KIFC3: variants seen among roughly 807,000 people sequenced by gnomAD.
KIFC3 encodes the protein kinesin family member C3.
Under a neutral mutation model 101.8 loss-of-function variants are expected in KIFC3, and 60 were observed. The ratio of observed to expected loss-of-function variants is 0.59; its 90% confidence interval spans 0.48 to 0.73. KIFC3 has a LOEUF of 0.73. Ranked by LOEUF, KIFC3 falls within the 30% of genes least tolerant of loss-of-function variation. The pLI is 0.00. For synonymous variants in KIFC3, 476 were observed against 482.7 expected, an observed-to-expected ratio of 0.99 and a Z score of 0.18; for missense variants, 966 against 1,137.1, an observed-to-expected ratio of 0.85 and a Z score of 2.16.
rs77387607 is a variant in KIFC3 at position 57,776,272 on chromosome 16, C to T, written c.316-3984G>A. On this transcript the variant is annotated intron_variant, in intron 3 of 19. Coordinates refer to ENST00000445690, the MANE Select transcript of KIFC3 (RefSeq NM_001130100.2). ...AAACTCAGCCCAGAGGCCAGCGGGGCGGCCCTGGGAGCACACCCTGTGGAG... is the reference window on the plus strand; with the variant it reads ...AAACTCAGCCCAGAGGCCAGCGGGGTGGCCCTGGGAGCACACCCTGTGGAG... 4,493 of 985,442 alleles carry T rather than the reference C, an allele frequency of 4.6e-3. 180 individuals are homozygous for T. The African/African-American group carries it at 0.073, about 16-fold the overall frequency. 61.0% of individuals were successfully genotyped at this position (985,442 alleles called of 1,614,324 possible).
rs782174508 is a variant in KIFC3 at position 57,772,224 on chromosome 16, A to G, written c.380T>C (p.Leu127Pro). 1.1e-5 allele frequency: 17 copies of G among 1,613,270 alleles called. No homozygotes were observed. Among genetic ancestry groups the G allele is most frequent in the Non-Finnish European group, 1.4e-5 (17 of 1,179,772 alleles). The change falls in exon 4 of 20, where the codon CTG (leucine) becomes CCG (proline). Residue 127 changes from leucine (L) to proline (P), a missense_variant and splice_region_variant. By Grantham distance (98) the Leu-to-Pro change is moderately conservative. Transcript: ENST00000445690. The part of the protein sequence containing the change: ...AQEVSRLRSE[L>P]GGTDLEKHRD... ...CCCAGGACAGCCTTGTGGCCTCACC[A>G]GCTCAGATCGCAGTCGGCTCACTTC...
At chr16:57,828,200 G>T (rs1423658570) in intron 1 of KIFC3, among the ~76,000 whole-genome samples, 1 of 152,206 alleles carries the variant, frequency 6.6e-6, no homozygotes, top group African/African-American at 2.4e-5. Flanking sequence ...GGGAGCCCCT[G>T]CCTGTACAAG....
Position 57,758,526 on chromosome 16 carries a change from C to A in KIFC3, c.*408G>T. 1 of 544,560 alleles carries A rather than the reference C, an allele frequency of 1.8e-6. No individual in the cohort carries two copies. The highest frequency in any genetic ancestry group is 2.4e-5 in the Admixed American group (1 of 41,626). 33.7% of individuals were successfully genotyped at this position (544,560 alleles called of 1,614,324 possible). On this transcript the variant is annotated 3_prime_UTR_variant, in exon 20 of 20. Coordinates refer to ENST00000445690, the MANE Select transcript of KIFC3 (RefSeq NM_001130100.2). Reference sequence around the variant, plus strand: ...CATGGTTCTTGGGTCTGCCCAGAGGCTCCTCGCCCACCCCCTAAGGAGGGG... The same window carrying A: ...CATGGTTCTTGGGTCTGCCCAGAGGATCCTCGCCCACCCCCTAAGGAGGGG...
rs1299980590 is a variant in KIFC3, at chr16:57,769,262, C to G, written c.1218+333G>C. ...TGTTGGCCAGGCTGGTCTCAAACTC[C>G]TGACCTCAAGTGATCCGCCTGCCTC... On this transcript the variant is annotated intron_variant, in intron 9 of 19. Transcript: ENST00000445690. This position sits in a 1 kb window ranked among gnomAD's most constrained non-coding sequence, Gnocchi z 4.3. 2.0e-5 allele frequency among the ~76,000 whole-genome samples: 3 copies of G among 152,338 alleles called. No individual in the cohort carries two copies. The highest frequency in any genetic ancestry group is 2.0e-4 in the Admixed American group (3 of 15,300).
Position 57,771,188 on chromosome 16 carries a change from C to T in KIFC3, c.765+10G>A. ...GGGCTGAGGCACAGATCAGGTGGGCCAGGGCTCACCTTGACAGGTGGGGAC... is the reference window on the plus strand; with the variant it reads ...GGGCTGAGGCACAGATCAGGTGGGCTAGGGCTCACCTTGACAGGTGGGGAC... On this transcript the variant is annotated intron_variant, in intron 6 of 19. Coordinates refer to ENST00000445690, the MANE Select transcript of KIFC3 (RefSeq NM_001130100.2). 6.2e-7 allele frequency: 1 copy of T among 1,611,548 alleles called. No individual in the cohort carries two copies. The highest frequency in any genetic ancestry group is 8.5e-7 in the Non-Finnish European group (1 of 1,179,602).
At chr16:57,776,356 C>T (rs2052089147) in intron 3 of KIFC3, 1 of 985,310 alleles carries the variant, frequency 1.0e-6, no homozygotes, top group Non-Finnish European at 1.2e-6. Flanking sequence ...TGTCCCCTGT[C>T]CACGCCACCC....
In KIFC3 at chr16:57,857,790, T is replaced by A. The variant is rs1232264536; in HGVS notation, c.108+4939A>T. Among the ~76,000 whole-genome samples, 4 of 134,510 alleles carry A rather than the reference T, an allele frequency of 3.0e-5. No individual in the cohort carries two copies. In the East Asian group the frequency reaches 6.2e-4, roughly 21 times the overall value. 88.2% of individuals were successfully genotyped at this position (134,510 alleles called of 152,430 possible). ...ATGTGCCACATTTTCTTTTTCTTTT[T>A]TTTTTTATTTCTTTTCTTTCTTTCT... On this transcript the variant is annotated intron_variant, in intron 1 of 2. Transcript: ENST00000563028.
At chr16:57,795,794 T>C (rs1206879403) in intron 2 of KIFC3, among the ~76,000 whole-genome samples, 1 of 151,734 alleles carries the variant, frequency 6.6e-6, no homozygotes, top group Non-Finnish European at 1.5e-5. Context: ...GCAGAGCCAC[T>C]ACCCTGGGGC....
At position 57,765,615 on chromosome 16, in the gene KIFC3, G is replaced by A. The variant is rs782243764; in HGVS notation, c.1356C>T (p.Val452=). ...LKGNIRVIAR[V]RPVTKEDGEG... The stretch of plus-strand genomic sequence containing the variant: ...CCCCATCCTCTTTGGTGACTGGCCG[G>A]ACACGAGCAATCACTCGGATGTTCC... The change falls in exon 11 of 20, where the codon GTC becomes GTT. Residue 452 remains valine, a synonymous_variant. Transcript: ENST00000445690. The A allele has an allele frequency of 3.7e-6, 6 of 1,611,876 alleles. No individual in the cohort carries two copies. Among genetic ancestry groups the A allele is most frequent in the South Asian group, 1.1e-5 (1 of 90,260 alleles).
chr16:57,823,723 G>A (rs971176984), intron 1 of KIFC3, among the ~76,000 whole-genome samples: 8 of 151,076 alleles, frequency 5.3e-5, no homozygotes, highest in South Asian at 2.1e-4. Context: ...CTCCTGAGTA[G>A]CTGGGGTTAC....
intron 2 of KIFC3, among the ~76,000 whole-genome samples, chr16:57,795,884 G>GTTTT (rs797031930): frequency 5.8e-4 from 34 of 58,778 alleles, no homozygotes; most frequent in East Asian, 9.2e-4. Flanking sequence ...GGGCTTTTTT[G>GTTTT]TTTTTTTTTT....
At chr16:57,790,950 C>T in intron 3 of KIFC3, 2 of 985,116 alleles carry the variant, frequency 2.0e-6, no homozygotes. Flanking sequence ...TAGGAATATT[C>T]CTGCTGGGCG....
chr16:57,767,737 A>G lies in KIFC3; in HGVS notation c.1219-752T>C, dbSNP rs893399256. 2.0e-5 allele frequency among the ~76,000 whole-genome samples: 3 copies of G among 152,264 alleles called. No homozygotes were observed. In the South Asian group the frequency reaches 6.2e-4, roughly 32 times the overall value. ...GTGGAAACTCATTGTGAGTGGTGTTATCTTGGCTCACTGCAGCCTTGACCT... is the reference window on the plus strand; with the variant it reads ...GTGGAAACTCATTGTGAGTGGTGTTGTCTTGGCTCACTGCAGCCTTGACCT... On this transcript the variant is annotated intron_variant, in intron 9 of 19. Coordinates refer to ENST00000445690, the MANE Select transcript of KIFC3 (RefSeq NM_001130100.2).
upstream of KIFC3, among the ~76,000 whole-genome samples, chr16:57,804,057 G>A (rs1339605237): frequency 6.6e-6 from 1 of 152,150 alleles, no homozygotes; most frequent in Admixed American, 6.5e-5. Flanking sequence ...CTTACTCAGG[G>A]ATTGAGTACA....
At chr16:57,808,013 A>G (rs1296409784), upstream of KIFC3, 2 of 151,574 alleles carry the variant, frequency 1.3e-5, no homozygotes, top group Non-Finnish European at 2.9e-5. Flanking sequence ...TAAAATCCAA[A>G]TGGTGGCTGC....
chr16:57,862,827 T>C (rs1191966957), exon 1 of KIFC3: 4 of 1,287,970 alleles, frequency 3.1e-6, no homozygotes, highest in Admixed American at 2.3e-5. Context: ...AGAAACTCCA[T>C]CTGTGCCATT....
chr16:57,841,984 C>T (rs1246746935), intron 1 of KIFC3, among the ~76,000 whole-genome samples: 2 of 151,522 alleles, frequency 1.3e-5, no homozygotes, highest in Non-Finnish European at 2.9e-5. Context: ...GAGAGGCCTT[C>T]CCTGACCATC....
upstream of KIFC3, among the ~76,000 whole-genome samples, chr16:57,806,690 T>C (rs1289653060): frequency 6.6e-6 from 1 of 152,210 alleles, no homozygotes; most frequent in Non-Finnish European, 1.5e-5. Flanking sequence ...CAAAAGGAAG[T>C]AAGAGAAGGC....
Position 57,769,825 on chromosome 16 carries a change from A to G in KIFC3, c.1070T>C (p.Val357Ala), listed in dbSNP as rs2050937603. 5.6e-6 allele frequency: 9 copies of G among 1,613,538 alleles called. No homozygotes were observed. Among genetic ancestry groups the G allele is most frequent in the Non-Finnish European group, 7.6e-6 (9 of 1,180,004 alleles). ...FARAQVEMKAVHENLAGVRTN... is the reference protein window; with the variant it reads ...FARAQVEMKAAHENLAGVRTN... ...CAGCTCACCTGCTAGATTCTCGTGC[A>G]CAGCCTTCATCTCCACCTGGGCTCT... Residue 357 changes from valine to alanine, a missense_variant, in exon 8 of 20, where the codon GTG becomes GCG. This residue lies in a region of KIFC3 where 689 missense variants were observed against 884.6 expected (regional missense o/e 0.78). Coordinates refer to ENST00000445690, the MANE Select transcript of KIFC3 (RefSeq NM_001130100.2). This position sits in a 1 kb window ranked among gnomAD's most constrained non-coding sequence, Gnocchi z 4.3.
Sources: allele counts gnomAD v4.1 joint callset (sites outside exome capture counted in the v4.1 genomes callset), GRCh38; gene constraint gnomAD v4.1.1; regional missense constraint gnomAD v4.1.1; non-coding constraint Gnocchi (gnomAD v3.1); transcripts MANE v1.5; gene names NCBI Gene and HGNC (gene_info 2026-07-23, HGNC 2026-07-21).